FANCC: variants seen among roughly 807,000 people sequenced by gnomAD.
FANCC encodes FA complementation group C.
Under a neutral mutation model 71.3 loss-of-function variants are expected in FANCC, and 55 were observed. The ratio of observed to expected loss-of-function variants is 0.77; its 90% CI spans 0.62 to 0.97. The LOEUF (loss-of-function observed/expected upper bound fraction) is 0.97. Ranked by LOEUF, FANCC falls within the 50% of genes least tolerant of loss-of-function variation. The probability of loss-of-function intolerance (pLI) is 0.00; values close to 1 mark genes in which losing one functional copy is unlikely to be tolerated. For synonymous variants in FANCC, 275 were observed against 244.9 expected (o/e 1.12, Z -1.15); for missense variants, 678 against 670.9 (o/e 1.01, Z -0.12).
At chr9:95,296,502 G>A (rs1475832159) in intron 1 of FANCC, among the ~76,000 whole-genome samples, 2 of 144,744 alleles carry the variant, frequency 1.4e-5, no homozygotes, top group Non-Finnish European at 3.1e-5. Context: ...GCTTTGTTAG[G>A]CTTTTTTTTT....
chr9:95,307,296 A>C (rs1450135226), intron 1 of FANCC, among the ~76,000 whole-genome samples: 1 of 152,236 alleles, frequency 6.6e-6, no homozygotes, highest in African/African-American at 2.4e-5. Flanking sequence ...CTATTGCCCA[A>C]AGTAATGTTA....
At chr9:95,234,477 A>G (rs1165665730) in intron 4 of FANCC, among the ~76,000 whole-genome samples, 1 of 152,252 alleles carries the variant, frequency 6.6e-6, no homozygotes, top group African/African-American at 2.4e-5. Flanking sequence ...AACCTGACAC[A>G]CACATCCTAA....
intron 6 of FANCC, among the ~76,000 whole-genome samples, chr9:95,160,387 A>C (rs1250976734): frequency 3.9e-5 from 6 of 152,090 alleles, no homozygotes; most frequent in African/African-American, 1.2e-4. Flanking sequence ...ATTGGTCTAT[A>C]TCTCTGTTTT....
At chr9:95,214,614 G>A (rs1168528291) in intron 4 of FANCC, among the ~76,000 whole-genome samples, 2 of 152,164 alleles carry the variant, frequency 1.3e-5, no homozygotes, top group Non-Finnish European at 2.9e-5. Flanking sequence ...AGTGTCCACT[G>A]ACAGACGAAT....
intron 1 of FANCC, among the ~76,000 whole-genome samples, chr9:95,292,152 C>A (rs1834060713): frequency 6.7e-6 from 1 of 149,422 alleles, no homozygotes; most frequent in Non-Finnish European, 1.5e-5. Context: ...AGAGAACACA[C>A]TTACAGTCAA....
intron 4 of FANCC, among the ~76,000 whole-genome samples, chr9:95,203,478 C>T (rs1278731999): frequency 6.6e-6 from 1 of 151,448 alleles, no homozygotes; most frequent in Non-Finnish European, 1.5e-5. Flanking sequence ...GCTCACTTGG[C>T]TAAAACTCTC....
At chr9:95,263,329 CATATGTCTTAGGGAGACTGGG>C (rs1832166370) in intron 1 of FANCC, among the ~76,000 whole-genome samples, 1 of 151,936 alleles carries the variant, frequency 6.6e-6, no homozygotes, top group Non-Finnish European at 1.5e-5. Flanking sequence ...ATCTCAAGGC[CATATGTCTTAGGGAGACTGGG>C]ATATCCGCCA....
intron 10 of FANCC, among the ~76,000 whole-genome samples, chr9:95,123,031 G>A (rs950241177): frequency 6.6e-6 from 1 of 152,254 alleles, no homozygotes. Context: ...GCCAGGCACA[G>A]TGGCTCAAGC....
At chr9:95,223,440 T>C (rs1469107128) in intron 4 of FANCC, among the ~76,000 whole-genome samples, 1 of 152,240 alleles carries the variant, frequency 6.6e-6, no homozygotes, top group East Asian at 1.9e-4. Flanking sequence ...AAGAGTCATG[T>C]TGATTAGGGT....
intron 1 of FANCC, among the ~76,000 whole-genome samples, chr9:95,314,279 A>G (rs1835598300): frequency 6.6e-6 from 1 of 152,274 alleles, no homozygotes; most frequent in Non-Finnish European, 1.5e-5. Flanking sequence ...TATACTGACA[A>G]CAATCCATAA....
At chr9:95,238,299 T>A (rs1830436124) in intron 4 of FANCC, among the ~76,000 whole-genome samples, 1 of 152,218 alleles carries the variant, frequency 6.6e-6, no homozygotes, top group Admixed American at 6.5e-5. Context: ...GACAATGGGA[T>A]ATTCACCTGC....
rs1210309701 is a variant in FANCC, at chr9:95,162,344, A to T, written c.521+8735T>A. ...TGTGTATATATACCATATTTTCTTT[A>T]TTCATTCGTCCGCTGATGGACACAT... is the stretch of plus-strand genomic sequence containing the variant. On this transcript the variant is annotated intron_variant, in intron 6 of 14. Coordinates refer to ENST00000289081, the MANE Select transcript of FANCC (RefSeq NM_000136.3). Among the ~76,000 whole-genome samples the T allele has an allele frequency of 2.6e-5, 4 of 152,148 alleles. No individual in the cohort carries two copies. The East Asian group carries it at 7.7e-4, about 29-fold the overall frequency.
At chr9:95,272,739 A>T (rs1322850347) in intron 1 of FANCC, among the ~76,000 whole-genome samples, 1 of 152,158 alleles carries the variant, frequency 6.6e-6, no homozygotes, top group Non-Finnish European at 1.5e-5. Flanking sequence ...TAACAGAAGT[A>T]ATTTTTCATT....
chr9:95,286,155 A>C (rs1833674382), intron 1 of FANCC, among the ~76,000 whole-genome samples: 3 of 152,244 alleles, frequency 2.0e-5, no homozygotes. Flanking sequence ...TGGAAAGCAA[A>C]CACCACAATG....
chr9:95,314,236 T>C (rs1232008267), intron 1 of FANCC, among the ~76,000 whole-genome samples: 3 of 152,250 alleles, frequency 2.0e-5, no homozygotes, highest in African/African-American at 7.2e-5. Flanking sequence ...TTGCAAGATA[T>C]AAGATTAATA....
intron 4 of FANCC, among the ~76,000 whole-genome samples, chr9:95,230,228 G>A (rs1268865752): frequency 2.6e-5 from 4 of 152,198 alleles, no homozygotes; most frequent in African/African-American, 9.6e-5. Flanking sequence ...AGGAGCCAGG[G>A]TTCCGTGCGG....
intron 4 of FANCC, 51 bp from the exon 5 acceptor site, chr9:95,172,198 G>A (rs1427805396): frequency 9.4e-6 from 11 of 1,175,820 alleles, no homozygotes; most frequent in Non-Finnish European, 1.4e-5. Flanking sequence ...AAATGCAAGT[G>A]CCTTTTATGT....
intron 1 of FANCC, among the ~76,000 whole-genome samples, chr9:95,305,697 A>G (rs1353980516): frequency 6.6e-6 from 1 of 152,210 alleles, no homozygotes. Context: ...GTATTTTTGC[A>G]TTCCTACAAT....
chr9:95,111,713 G>A (rs45465991), intron 12 of FANCC, 76 bp from the exon 13 acceptor site: 37,992 of 1,557,152 alleles, frequency 0.024, 511 homozygotes, highest in Non-Finnish European at 0.029. Flanking sequence ...CAACTTTAAC[G>A]TTTGCCAACG....
Sources: gnomAD v4.1 joint callset for allele counts (sites outside exome capture counted in the v4.1 genomes callset) on GRCh38, gnomAD v4.1.1 for gene constraint, MANE v1.5 for transcripts, NCBI Gene and HGNC (gene_info 2026-07-23, HGNC 2026-07-21) for gene names.